CACNB2: variants seen among roughly 807,000 people sequenced by gnomAD.
CACNB2 encodes the protein calcium voltage-gated channel auxiliary subunit beta 2.
A neutral mutation model predicts 73.3 loss-of-function variants in CACNB2; 42 were observed. That is an observed-to-expected ratio of 0.57 (90% CI 0.45 to 0.74). The LOEUF (loss-of-function observed/expected upper bound fraction) is 0.74. Among genes scored for constraint, CACNB2 ranks in the 30% least tolerant of loss-of-function variants. The probability of loss-of-function intolerance (pLI) is 0.00; values close to 1 mark genes in which losing one functional copy is unlikely to be tolerated. For synonymous variants in CACNB2, 348 were observed against 310.3 expected, an observed-to-expected ratio of 1.12 and a Z score of -1.28; for missense variants, 940 against 853.0, an observed-to-expected ratio of 1.10 and a Z score of -1.27.
At chr10:18,367,863 A>G (rs1017884609) in intron 2 of CACNB2, among the ~76,000 whole-genome samples, 5 of 152,220 alleles carry the variant, frequency 3.3e-5, no homozygotes, top group African/African-American at 7.2e-5. Context: ...CTTCCTTAAT[A>G]TCTTATTGAA....
At chr10:18,283,103 A>C (rs954621850) in intron 2 of CACNB2, among the ~76,000 whole-genome samples, 1 of 152,238 alleles carries the variant, frequency 6.6e-6, no homozygotes, top group African/African-American at 2.4e-5. Flanking sequence ...GAGAAATTCA[A>C]ATCAAAACCA....
chr10:18,307,317 C>G (rs2039771231), intron 2 of CACNB2, among the ~76,000 whole-genome samples: 1 of 152,098 alleles, frequency 6.6e-6, no homozygotes, highest in African/African-American at 2.4e-5. Flanking sequence ...CCAACATTAG[C>G]CAGGCGTGGT....
At chr10:18,242,966 C>A (rs182611907) in intron 2 of CACNB2, among the ~76,000 whole-genome samples, 1 of 148,398 alleles carries the variant, frequency 6.7e-6, no homozygotes, top group Non-Finnish European at 1.5e-5. Context: ...GCCGAGATTG[C>A]GCCACTGCAC....
chr10:18,535,911 TGTGA>T (rs2053526099), intron 11 of CACNB2, among the ~76,000 whole-genome samples, 186 bp from the exon 12 acceptor site: 1 of 152,084 alleles, frequency 6.6e-6, no homozygotes, highest in Admixed American at 6.6e-5. Flanking sequence ...ATAGAAAAAA[TGTGA>T]GTGCTTAAAG....
chr10:18,154,875 G>C lies in CACNB2; in HGVS notation c.213+3900G>C, dbSNP rs78875492. Among the ~76,000 whole-genome samples the C allele has an allele frequency of 0.011, 1,689 of 152,302 alleles. 86 individuals are homozygous for C. In the East Asian group the frequency reaches 0.17, roughly 16 times the overall value. The stretch of plus-strand genomic sequence containing the variant: ...GCAGTCCGCAAGCTAAGGCGAGAGA[G>C]GCCTCACCAAAAAGCAACCCTGCTG... On this transcript the variant is annotated intron_variant, in intron 2 of 13. Transcript: ENST00000324631.
intron 2 of CACNB2, among the ~76,000 whole-genome samples, chr10:18,188,260 C>A (rs1421993703): frequency 2.1e-5 from 3 of 142,824 alleles, no homozygotes; most frequent in South Asian, 4.2e-4. Context: ...GCCTTCTTTC[C>A]TTCTTGCCTC....
chr10:18,474,463 C>A (rs577004926), intron 3 of CACNB2, among the ~76,000 whole-genome samples: 1 of 152,148 alleles, frequency 6.6e-6, no homozygotes, highest in Non-Finnish European at 1.5e-5. Flanking sequence ...GGCTCCTAAA[C>A]TAAGGTGCAA....
intron 3 of CACNB2, among the ~76,000 whole-genome samples, chr10:18,422,027 A>G (rs1337904772): frequency 6.6e-6 from 1 of 152,226 alleles, no homozygotes; most frequent in African/African-American, 2.4e-5. Context: ...GTTCTAGTTT[A>G]AACAGTTGTC....
At chr10:18,466,760 C>T (rs557396029) in intron 3 of CACNB2, among the ~76,000 whole-genome samples, 1 of 152,240 alleles carries the variant, frequency 6.6e-6, no homozygotes, top group East Asian at 1.9e-4. Context: ...AGACCCACAA[C>T]TATTAGAAAT....
chr10:18,523,310 A>G (rs1020659979), intron 9 of CACNB2, among the ~76,000 whole-genome samples: 3 of 152,208 alleles, frequency 2.0e-5, no homozygotes, highest in Non-Finnish European at 2.9e-5. Flanking sequence ...AAGATGGGGA[A>G]ATGGGATGGA....
intron 3 of CACNB2, among the ~76,000 whole-genome samples, chr10:18,427,507 G>A (rs1189663252): frequency 2.0e-5 from 3 of 151,996 alleles, no homozygotes; most frequent in African/African-American, 7.2e-5. Context: ...GTTTTTGTTT[G>A]TTTCTTTGTT....
At chr10:18,427,866 T>C (rs1218943317) in intron 3 of CACNB2, among the ~76,000 whole-genome samples, 1 of 152,240 alleles carries the variant, frequency 6.6e-6, no homozygotes, top group East Asian at 1.9e-4. Context: ...TTTTGAATAA[T>C]TCTATTTTCT....
chr10:18,195,219 A>G (rs572918671), intron 2 of CACNB2, among the ~76,000 whole-genome samples: 1 of 152,314 alleles, frequency 6.6e-6, no homozygotes, highest in South Asian at 2.1e-4. Flanking sequence ...AAGTTTATAT[A>G]AAAGTGCATA....
At chr10:18,525,377 C>A (rs1388117258) in intron 9 of CACNB2, among the ~76,000 whole-genome samples, 2 of 152,136 alleles carry the variant, frequency 1.3e-5, no homozygotes. Context: ...TGAATGTTTA[C>A]AAACCTTTCT....
chr10:18,518,258 A>G, intron 7 of CACNB2, 78 bp from the exon 8 acceptor site: 1 of 978,614 alleles, frequency 1.0e-6, no homozygotes, highest in East Asian at 2.4e-5. Context: ...TATGGAGTTC[A>G]GAAAGAGTAC....
At chr10:18,464,799 T>C (rs2047786644) in intron 3 of CACNB2, among the ~76,000 whole-genome samples, 1 of 152,068 alleles carries the variant, frequency 6.6e-6, no homozygotes, top group Non-Finnish European at 1.5e-5. Flanking sequence ...GCAGGGGCGG[T>C]AGGAATGGGA....
At chr10:18,188,801 T>C (rs2034266195) in intron 2 of CACNB2, among the ~76,000 whole-genome samples, 2 of 151,948 alleles carry the variant, frequency 1.3e-5, no homozygotes, top group Admixed American at 6.6e-5. Context: ...CTACTTAGTA[T>C]AGAAAAAAAA....
chr10:18,369,767 C>T (rs745817857), intron 2 of CACNB2, among the ~76,000 whole-genome samples: 12 of 152,106 alleles, frequency 7.9e-5, no homozygotes, highest in East Asian at 1.9e-4. Flanking sequence ...ATTAGCCAGG[C>T]GTGGTGGCAC....
In CACNB2 at chr10:18,505,899, T is replaced by A. The variant is rs567078484; in HGVS notation, c.594-572T>A. Reference sequence around the variant, plus strand: ...AGTCACGCTTGAGAAGTATTCTGGGTACTATCTGATGGCTACATCATATCA... The same window carrying A: ...AGTCACGCTTGAGAAGTATTCTGGGAACTATCTGATGGCTACATCATATCA... On this transcript the variant is annotated intron_variant, in intron 5 of 13. Transcript: ENST00000324631. Among the ~76,000 whole-genome samples, 48 of 152,338 alleles carry A rather than the reference T, an allele frequency of 3.2e-4. No individual in the cohort carries two copies. In the South Asian group the frequency reaches 9.7e-3, roughly 31 times the overall value.
Sources: allele counts gnomAD v4.1 joint callset (sites outside exome capture counted in the v4.1 genomes callset), GRCh38; gene constraint gnomAD v4.1.1; transcripts MANE v1.5; gene names NCBI Gene and HGNC (gene_info 2026-07-23, HGNC 2026-07-21).